Variants in EXOC6B observed in about 807,000 individuals in gnomAD.
The protein encoded by EXOC6B is exocyst complex component 6B.
Under a neutral mutation model 113.5 loss-of-function variants are expected in EXOC6B, and 54 were observed. That is an observed-to-expected ratio of 0.48 (90% CI 0.38 to 0.60). The LOEUF (loss-of-function observed/expected upper bound fraction) is 0.60. EXOC6B is among the 20% of genes least tolerant of loss of function. The probability of loss-of-function intolerance (pLI) is 0.00; values close to 1 mark genes in which losing one functional copy is unlikely to be tolerated. For missense variants in EXOC6B, 797 were observed against 977.5 expected (o/e 0.82, Z 2.46); for synonymous variants, 357 against 339.0 (o/e 1.05, Z -0.58).
At chr2:72,552,752 T>A (rs1447972406) in intron 8 of EXOC6B, among the ~76,000 whole-genome samples, 1 of 151,910 alleles carries the variant, frequency 6.6e-6, no homozygotes, top group Non-Finnish European at 1.5e-5. Flanking sequence ...ATCAATGAAA[T>A]TCACCATATT....
intron 6 of EXOC6B, among the ~76,000 whole-genome samples, chr2:72,660,969 G>A (rs1002905278): frequency 1.3e-5 from 2 of 152,086 alleles, no homozygotes; most frequent in African/African-American, 4.8e-5. Context: ...ATAAAGAAAT[G>A]CCCTTTTTTC....
At chr2:72,530,519 T>C (rs920341652) in intron 8 of EXOC6B, among the ~76,000 whole-genome samples, 2 of 152,138 alleles carry the variant, frequency 1.3e-5, no homozygotes, top group Non-Finnish European at 1.5e-5. Context: ...ACTTAGTATG[T>C]TTTATGAGTG....
intron 6 of EXOC6B, among the ~76,000 whole-genome samples, chr2:72,594,048 A>G (rs888989201): frequency 1.3e-5 from 2 of 152,102 alleles, no homozygotes; most frequent in Non-Finnish European, 2.9e-5. Flanking sequence ...TGACATGAAC[A>G]CAGCTCATTG....
At chr2:72,757,583 T>C (rs1682497817) in intron 1 of EXOC6B, among the ~76,000 whole-genome samples, 1 of 152,206 alleles carries the variant, frequency 6.6e-6, no homozygotes, top group Non-Finnish European at 1.5e-5. Context: ...TCTTTAAAAA[T>C]TTCCAGTTTG....
At chr2:72,415,987 C>A (rs1014313145) in intron 18 of EXOC6B, among the ~76,000 whole-genome samples, 2 of 152,074 alleles carry the variant, frequency 1.3e-5, no homozygotes, top group African/African-American at 4.8e-5. Flanking sequence ...AACAAAAATT[C>A]CCAAATCACT....
chr2:72,815,348 G>A (rs771602101), intron 1 of EXOC6B, among the ~76,000 whole-genome samples: 5 of 151,708 alleles, frequency 3.3e-5, no homozygotes, highest in African/African-American at 4.8e-5. Context: ...AAAATTAGCT[G>A]GACGTGGTGT....
chr2:72,410,284 A>G (rs1339579107), intron 18 of EXOC6B, among the ~76,000 whole-genome samples: 4 of 152,212 alleles, frequency 2.6e-5, no homozygotes, highest in Non-Finnish European at 2.9e-5. Context: ...CTTATTTCCA[A>G]TGATGGGTAC....
intron 1 of EXOC6B, among the ~76,000 whole-genome samples, chr2:72,762,242 CAA>C (rs557776288): frequency 8.2e-5 from 5 of 61,228 alleles, no homozygotes; most frequent in Admixed American, 1.8e-4. Context: ...GACTCCGTCT[CAA>C]AAAAAAAAAA....
At chr2:72,671,100 T>G (rs935404758) in intron 6 of EXOC6B, among the ~76,000 whole-genome samples, 1 of 152,120 alleles carries the variant, frequency 6.6e-6, no homozygotes, top group African/African-American at 2.4e-5. Context: ...GAACACTGGA[T>G]GGACAAAGAT....
chr2:72,180,430 TG>T (rs1256052413), intron 21 of EXOC6B, among the ~76,000 whole-genome samples: 1 of 152,220 alleles, frequency 6.6e-6, no homozygotes, highest in African/African-American at 2.4e-5. Flanking sequence ...TGACATCTAT[TG>T]GTGGCCACTA....
At chr2:72,649,384 A>G (rs1344998972) in intron 6 of EXOC6B, among the ~76,000 whole-genome samples, 1 of 152,192 alleles carries the variant, frequency 6.6e-6, no homozygotes, top group East Asian at 1.9e-4. Context: ...ACAAAAAGCA[A>G]ATGCTTGAGG....
At position 72,499,897 on chromosome 2, in the gene EXOC6B, A is replaced by T. The variant is rs1010974192; in HGVS notation, c.1239+4T>A. The T allele has an allele frequency of 5.2e-6, 8 of 1,546,178 alleles. No homozygotes were observed. In the Admixed American group the frequency reaches 7.8e-5, roughly 15 times the overall value. ...ATGAGCATATGTAAACAGAAATCAC[A>T]TACCTGAAGTGTGTCAGCAAAAAGC... On this transcript the variant is annotated splice_donor_region_variant and intron_variant, in intron 12 of 21. Coordinates refer to ENST00000272427, the MANE Select transcript of EXOC6B (RefSeq NM_015189.3).
chr2:72,438,798 G>T (rs1696031381), intron 18 of EXOC6B, among the ~76,000 whole-genome samples: 1 of 151,994 alleles, frequency 6.6e-6, no homozygotes, highest in African/African-American at 2.4e-5. Context: ...TAACACCTCA[G>T]GTCCTGCTTG....
intron 1 of EXOC6B, among the ~76,000 whole-genome samples, chr2:72,813,220 A>C (rs1226193003): frequency 1.3e-5 from 2 of 151,520 alleles, no homozygotes; most frequent in Non-Finnish European, 2.9e-5. Context: ...CTCCCTAGTT[A>C]GTTGGGACTA....
At chr2:72,384,325 A>T (rs969781018) in intron 18 of EXOC6B, among the ~76,000 whole-genome samples, 3 of 151,898 alleles carry the variant, frequency 2.0e-5, no homozygotes, top group Non-Finnish European at 4.4e-5. Context: ...TTTCATGATT[A>T]AAAAAAAGCT....
At chr2:72,525,949 T>C (rs1211614888) in intron 8 of EXOC6B, among the ~76,000 whole-genome samples, 1 of 152,132 alleles carries the variant, frequency 6.6e-6, no homozygotes, top group African/African-American at 2.4e-5. Flanking sequence ...AAAATGAGGC[T>C]TTTCTATATT....
chr2:72,664,729 T>G (rs1675270053), intron 6 of EXOC6B, among the ~76,000 whole-genome samples: 1 of 152,228 alleles, frequency 6.6e-6, no homozygotes, highest in Non-Finnish European at 1.5e-5. Context: ...GCAGTCCCCC[T>G]GCCCAGCAGC....
intron 1 of EXOC6B, 42 bp from the exon 2 acceptor site, chr2:72,741,511 C>A: frequency 1.3e-6 from 2 of 1,540,844 alleles, no homozygotes; most frequent in South Asian, 1.3e-5. Flanking sequence ...ATGGTTACTT[C>A]TAAGAAGGAA....
chr2:72,481,866 T>C (rs1396023160), intron 16 of EXOC6B, among the ~76,000 whole-genome samples: 1 of 152,192 alleles, frequency 6.6e-6, no homozygotes, highest in Non-Finnish European at 1.5e-5. Flanking sequence ...AAGAGGAAGA[T>C]AAAGAAGAAT....
Sources: allele counts gnomAD v4.1 joint callset (sites outside exome capture counted in the v4.1 genomes callset), GRCh38; gene constraint gnomAD v4.1.1; transcripts MANE v1.5; gene names NCBI Gene and HGNC (gene_info 2026-07-23, HGNC 2026-07-21).